Variants in PODXL observed in about 807,000 individuals in gnomAD.
PODXL encodes podocalyxin like.
PODXL carries 20 observed loss-of-function variants against 48.9 expected under a neutral mutation model. The observed-to-expected ratio is 0.41, with a 90% CI of 0.29 to 0.59. The LOEUF (loss-of-function observed/expected upper bound fraction) is 0.59, where lower values mean the gene tolerates loss of function less well. Ranked by LOEUF, PODXL falls within the 20% of genes least tolerant of loss-of-function variation. The pLI is 0.31. For missense variants in PODXL, 606 were observed against 675.1 expected (o/e 0.90, Z 1.13); for synonymous variants, 295 against 287.4 (o/e 1.03, Z -0.27).
At chr7:131,505,237 G>A (rs1797778367) in intron 8 of PODXL, among the ~76,000 whole-genome samples, 1 of 152,190 alleles carries the variant, frequency 6.6e-6, no homozygotes, top group South Asian at 2.1e-4. Context: ...TTCTATCAAT[G>A]AATCCTCAGA....
intron 1 of PODXL, among the ~76,000 whole-genome samples, chr7:131,532,275 A>G (rs2398791): frequency 0.31 from 46,220 of 149,466 alleles, 7,876 homozygotes; most frequent in Admixed American, 0.49. Context: ...CTCTATTAAA[A>G]GTACAAAAAA....
intron 1 of PODXL, among the ~76,000 whole-genome samples, chr7:131,521,990 C>A (rs376335599): frequency 1.3e-5 from 2 of 152,368 alleles, no homozygotes; most frequent in East Asian, 3.9e-4. Context: ...TGAAGCAAAG[C>A]AGAGCTGTGG....
Position 131,537,822 on chromosome 7 carries a change from C to T in PODXL, c.100+18438G>A, listed in dbSNP as rs369792292. Among the ~76,000 whole-genome samples, 22 of 152,198 alleles carry T rather than the reference C, an allele frequency of 1.4e-4. 1 individual carries two copies. In the South Asian group the frequency reaches 3.3e-3, roughly 23 times the overall value. On this transcript the variant is annotated intron_variant, in intron 1 of 8. Transcript: ENST00000378555. ...TTTCATATCAATGGCATCACACCGT[C>T]GTGACTCTTGGGTCTGGCTTCCCTC...
chr7:131,538,707 C>G (rs1798424500), intron 1 of PODXL, among the ~76,000 whole-genome samples: 1 of 152,166 alleles, frequency 6.6e-6, no homozygotes, highest in Admixed American at 6.5e-5. Context: ...GTTCCTCTCC[C>G]TCTCAACTGC....
Position 131,510,936 on chromosome 7 carries a change from T to C in PODXL, c.598A>G (p.Thr200Ala), listed in dbSNP as rs746275686. 2 of 1,613,958 alleles carry C rather than the reference T, an allele frequency of 1.2e-6. No individual in the cohort carries two copies. The highest frequency in any genetic ancestry group is 1.3e-5 in the African/African-American group (1 of 74,892). ...RQPTSTHPVA[T>A]PTSSGHDHLM... Reference sequence around the variant, plus strand: ...TGGTCATGTCCCGAGCTTGTTGGGGTGGCCACAGGATGCGTCGAAGTGGGT... The same window carrying C: ...TGGTCATGTCCCGAGCTTGTTGGGGCGGCCACAGGATGCGTCGAAGTGGGT... Residue 200 changes from threonine (T) to alanine (A), a missense_variant, in exon 2 of 9, where the codon ACC becomes GCC. Transcript: ENST00000378555.
At chr7:131,517,871 TG>T (rs1265064808) in intron 1 of PODXL, among the ~76,000 whole-genome samples, 6 of 152,228 alleles carry the variant, frequency 3.9e-5, no homozygotes, top group Admixed American at 1.3e-4. Context: ...CCCAAGTACC[TG>T]GGACCACAGG....
intron 1 of PODXL, among the ~76,000 whole-genome samples, chr7:131,528,171 CA>C (rs1437637814): frequency 2.6e-5 from 4 of 152,152 alleles, no homozygotes; most frequent in African/African-American, 9.7e-5. Context: ...GCTGGGATTT[CA>C]GGCGTGAGCC....
chr7:131,548,343 C>T (rs932161520), intron 1 of PODXL, among the ~76,000 whole-genome samples: 3 of 152,254 alleles, frequency 2.0e-5, no homozygotes, highest in African/African-American at 4.8e-5. Context: ...TGTAACTGAA[C>T]CACTGTTTTT....
intron 1 of PODXL, among the ~76,000 whole-genome samples, chr7:131,515,725 C>T (rs531124721): frequency 6.6e-6 from 1 of 152,264 alleles, no homozygotes; most frequent in African/African-American, 2.4e-5. Flanking sequence ...TAAATGGTGA[C>T]ATGAGAGGGT....
At position 131,503,575 on chromosome 7, in the gene PODXL, A is replaced by G. The variant is rs1017282729; in HGVS notation, c.*736T>C. On this transcript the variant is annotated 3_prime_UTR_variant, in exon 9 of 9. Transcript: ENST00000378555. ...CACGCACGGAGACCTGTGTGGGTTA[A>G]GCCCCCATCTCACGAAGCAAATGTG... 5 of 152,442 alleles carry G rather than the reference A, an allele frequency of 3.3e-5. No individual in the cohort carries two copies. The highest frequency in any genetic ancestry group is 1.2e-4 in the African/African-American group (5 of 41,448). The allele number at this position is 152,442 out of a possible 1,614,324, so 9.4% of individuals were successfully genotyped here.
chr7:131,507,410 G>A (rs958674534), intron 5 of PODXL, among the ~76,000 whole-genome samples: 7 of 152,224 alleles, frequency 4.6e-5, no homozygotes, highest in African/African-American at 1.7e-4. Context: ...TGGCTTTAGA[G>A]CTGAGGATGA....
chr7:131,504,510 T>C lies in PODXL; in HGVS notation c.1480-2A>G, dbSNP rs1797767371. 1 of 1,613,844 alleles carries C rather than the reference T, an allele frequency of 6.2e-7. No homozygotes were observed. Among genetic ancestry groups the C allele is most frequent in the African/African-American group, 1.3e-5 (1 of 74,922 alleles). On this transcript the variant is annotated splice_acceptor_variant, in intron 8 of 8. Coordinates refer to ENST00000378555, the MANE Select transcript of PODXL (RefSeq NM_001018111.3). LOFTEE classifies it high-confidence loss of function. The stretch of plus-strand genomic sequence containing the variant: ...CTGCAGCTCCTCTGTTAGCCGCTGC[T>C]AGAGTGGGGAAGGTGACCGGTGAGA...
intron 8 of PODXL, among the ~76,000 whole-genome samples, chr7:131,504,986 C>T (rs763372176): frequency 6.6e-6 from 1 of 152,218 alleles, no homozygotes; most frequent in Non-Finnish European, 1.5e-5. Flanking sequence ...CTTTCTGTCC[C>T]TCTCAAACAC....
chr7:131,542,785 C>T (rs777461740), intron 1 of PODXL, among the ~76,000 whole-genome samples: 5 of 152,306 alleles, frequency 3.3e-5, no homozygotes, highest in South Asian at 2.1e-4. Flanking sequence ...GCATGTACAG[C>T]GCCAGTTAGA....
At position 131,511,689 on chromosome 7, in the gene PODXL, C is replaced by T. The variant is rs1009227381; in HGVS notation, c.101-256G>A. Among the ~76,000 whole-genome samples, 12 of 152,168 alleles carry T rather than the reference C, an allele frequency of 7.9e-5. 2 individuals are homozygous for T. The highest frequency in any genetic ancestry group is 4.6e-4 in the Admixed American group (7 of 15,296). ...CAGGCAGGTCTTGAACTCCTGGGCT[C>T]AAGCTATCCTCCCGCCTCTGCCTCC... is the stretch of plus-strand genomic sequence containing the variant. On this transcript the variant is annotated intron_variant, in intron 1 of 8. Coordinates refer to ENST00000378555, the MANE Select transcript of PODXL (RefSeq NM_001018111.3).
intron 1 of PODXL, among the ~76,000 whole-genome samples, chr7:131,546,323 G>A (rs2116862674): frequency 6.6e-6 from 1 of 152,268 alleles, no homozygotes; most frequent in Non-Finnish European, 1.5e-5. Flanking sequence ...AATCACAAGC[G>A]CCATTTATCC....
At chr7:131,554,268 C>T (rs560042083) in intron 1 of PODXL, among the ~76,000 whole-genome samples, 16 of 152,114 alleles carry the variant, frequency 1.1e-4, no homozygotes, top group Non-Finnish European at 2.4e-4. Context: ...CAACATGCCC[C>T]CCACAAGCCT....
chr7:131,542,752 G>A (rs1373314085), intron 1 of PODXL, among the ~76,000 whole-genome samples: 1 of 152,162 alleles, frequency 6.6e-6, no homozygotes. Flanking sequence ...AGCATCCTCC[G>A]CCTTGGATTT....
At position 131,532,453 on chromosome 7, in the gene PODXL, T is replaced by A. The variant is rs867384002; in HGVS notation, c.101-21020A>T. On this transcript the variant is annotated intron_variant, in intron 1 of 8. Transcript: ENST00000378555. ...TCCGTCTCAAAAAAAAAAAAAAAAT[T>A]AAAAATAAATAATAATAATAATAAT... Among the ~76,000 whole-genome samples the A allele has an allele frequency of 1.0e-2, 1,309 of 130,906 alleles. 16 individuals are homozygous for A. Among genetic ancestry groups the A allele is most frequent in the African/African-American group, 0.03 (1,098 of 36,966 alleles). The allele number at this position is 130,906 out of a possible 152,430, so 85.9% of individuals were successfully genotyped here.
Sources: gnomAD v4.1 joint callset for allele counts (sites outside exome capture counted in the v4.1 genomes callset) on GRCh38, gnomAD v4.1.1 for gene constraint, MANE v1.5 for transcripts, NCBI Gene and HGNC (gene_info 2026-07-23, HGNC 2026-07-21) for gene names.